Variants in ZFHX4 observed in about 807,000 individuals in gnomAD.
The protein encoded by ZFHX4 is zinc finger homeobox protein 4.
Under a neutral mutation model 267.6 loss-of-function variants are expected in ZFHX4, and 56 were observed. The observed-to-expected ratio is 0.21, with a 90% CI of 0.17 to 0.26. The LOEUF is 0.26. Among genes scored for constraint, ZFHX4 ranks in the 10% least tolerant of loss-of-function variants. ZFHX4 has a pLI of 1.00. For missense variants in ZFHX4, 4,332 were observed against 4,420.0 expected (o/e 0.98, Z 0.56); for synonymous variants, 1,778 against 1,665.6 (o/e 1.07, Z -1.64).
chr8:76,851,220 T>A lies in ZFHX4; in HGVS notation c.4299T>A (p.Ser1433Arg), dbSNP rs754043274. The A allele has an allele frequency of 6.2e-7, 1 of 1,613,848 alleles. No homozygotes were observed. The highest frequency in any genetic ancestry group is 1.7e-5 in the Admixed American group (1 of 60,006). Residue 1433 changes from serine to arginine, a missense_variant, in exon 10 of 11, where the codon AGT becomes AGA. This residue lies in a region of ZFHX4 where 1,371 missense variants were observed against 1,423.1 expected (regional missense o/e 0.96). Coordinates refer to ENST00000651372, the MANE Select transcript of ZFHX4 (RefSeq NM_024721.5). Reference protein sequence around the residue: ...AATMCNLCQRSFRTFQALKKH... With the variant: ...AATMCNLCQRRFRTFQALKKH... Reference sequence around the variant, plus strand: ...CAATGTGTAACCTCTGCCAGCGCAGTTTCCGTACATTCCAGGCTTTAAAAA... The same window carrying A: ...CAATGTGTAACCTCTGCCAGCGCAGATTCCGTACATTCCAGGCTTTAAAAA...
At chr8:76,845,110 T>C (rs1419950237) in intron 6 of ZFHX4, among the ~76,000 whole-genome samples, 1 of 152,132 alleles carries the variant, frequency 6.6e-6, no homozygotes, top group Non-Finnish European at 1.5e-5. Context: ...AATTAACATA[T>C]GTTAGGAAGG....
chr8:76,847,078 C>T (rs1812383216), intron 6 of ZFHX4, among the ~76,000 whole-genome samples: 1 of 152,132 alleles, frequency 6.6e-6, no homozygotes, highest in African/African-American at 2.4e-5. Context: ...AATTGATAGA[C>T]ATTGGTTGAT....
rs374254479 is a variant in ZFHX4, at chr8:76,851,127, T to C, written c.4206T>C (p.Cys1402=). 48 of 1,613,900 alleles carry C rather than the reference T, an allele frequency of 3.0e-5. No individual in the cohort carries two copies. Among genetic ancestry groups the C allele is most frequent in the Non-Finnish European group, 3.7e-5 (44 of 1,179,888 alleles). ...TCTACAAGTATCGCTGTAACCATTGTAGCTTGGCTTTCAAAACTATGCAGA... is the reference window on the plus strand; with the variant it reads ...TCTACAAGTATCGCTGTAACCATTGCAGCTTGGCTTTCAAAACTATGCAGA... The part of the protein sequence containing the change: ...RHVYKYRCNH[C]SLAFKTMQKL... The change falls in exon 10 of 11, where the codon TGT becomes TGC. Residue 1402 remains cysteine, a synonymous_variant. Transcript: ENST00000651372.
intron 3 of ZFHX4, among the ~76,000 whole-genome samples, chr8:76,711,576 T>A (rs962036772): frequency 6.6e-6 from 1 of 152,216 alleles, no homozygotes; most frequent in African/African-American, 2.4e-5. Flanking sequence ...TTTACAAATT[T>A]TAGTCAGTTG....
At chr8:76,819,249 T>A (rs1324178516) in intron 4 of ZFHX4, among the ~76,000 whole-genome samples, 1 of 152,054 alleles carries the variant, frequency 6.6e-6, no homozygotes, top group Non-Finnish European at 1.5e-5. Context: ...TCTGTTTTAT[T>A]TATAACATTT....
In ZFHX4 at chr8:76,842,705, G is replaced by A. The variant is rs144576583; in HGVS notation, c.3445G>A (p.Glu1149Lys). The A allele has an allele frequency of 5.2e-5, 81 of 1,554,644 alleles. No homozygotes were observed. The African/African-American group carries it at 9.2e-4, about 18-fold the overall frequency. Residue 1149 changes from glutamate (E) to lysine (K), a missense_variant, in exon 6 of 11, where the codon GAG (glutamate) becomes AAG (lysine). Transcript: ENST00000651372. Reference sequence around the variant, plus strand: ...AGCTATTAAGCCTACAGCAGTGGCCGAGGACGATGAAAAAGACACAAGTGA... The same window carrying A: ...AGCTATTAAGCCTACAGCAGTGGCCAAGGACGATGAAAAAGACACAAGTGA... ...EGAIKPTAVA[E>K]DDEKDTSERD...
intron 1 of ZFHX4, among the ~76,000 whole-genome samples, chr8:76,694,756 T>G (rs967313876): frequency 7.0e-6 from 1 of 141,884 alleles, no homozygotes; most frequent in African/African-American, 2.6e-5. Context: ...TTTTCTTCTT[T>G]TGATGAAGTT....
intron 1 of ZFHX4, among the ~76,000 whole-genome samples, chr8:76,686,456 C>T (rs1403333339): frequency 6.6e-6 from 1 of 152,120 alleles, no homozygotes; most frequent in African/African-American, 2.4e-5. Flanking sequence ...TTAATCTATC[C>T]TTATTTACAA....
intron 4 of ZFHX4, among the ~76,000 whole-genome samples, chr8:76,794,456 A>G (rs1198246519): frequency 6.6e-6 from 1 of 152,178 alleles, no homozygotes; most frequent in Non-Finnish European, 1.5e-5. Flanking sequence ...GTTCTCTTTC[A>G]TGTTTGACCA....
chr8:76,780,165 T>C (rs994895063), intron 4 of ZFHX4, among the ~76,000 whole-genome samples: 3 of 152,170 alleles, frequency 2.0e-5, no homozygotes, highest in Non-Finnish European at 4.4e-5. Flanking sequence ...CAGCCAACCT[T>C]TACTTATAGC....
intron 4 of ZFHX4, among the ~76,000 whole-genome samples, chr8:76,830,155 TAA>T (rs1054462676): frequency 6.6e-6 from 1 of 152,190 alleles, no homozygotes; most frequent in Non-Finnish European, 1.5e-5. Flanking sequence ...AGATATTCTG[TAA>T]AATGTTGTTG....
chr8:76,800,594 T>C (rs1243990161), intron 4 of ZFHX4, among the ~76,000 whole-genome samples: 3 of 152,166 alleles, frequency 2.0e-5, no homozygotes, highest in Non-Finnish European at 4.4e-5. Context: ...TGATAATAAA[T>C]GTATACATCA....
Position 76,854,313 on chromosome 8 carries a change from G to A in ZFHX4, c.7392G>A (p.Ser2464=), listed in dbSNP as rs761611371. 6.2e-6 allele frequency: 10 copies of A among 1,612,830 alleles called. No homozygotes were observed. In the Middle Eastern group the frequency reaches 6.6e-4, roughly 106 times the overall value. The part of the protein sequence containing the change: ...KQPQLIGRPP[S]ASQTPVPSSP... ...CCCAACTTATCGGAAGACCTCCCTC[G>A]GCCTCTCAAACACCGGTCCCTTCCA... is the stretch of plus-strand genomic sequence containing the variant. Residue 2464 remains serine, a synonymous_variant, in exon 10 of 11, where the codon TCG becomes TCA. Transcript: ENST00000651372.
At chr8:76,847,367 T>C (rs1410438466) in intron 6 of ZFHX4, among the ~76,000 whole-genome samples, 2 of 152,150 alleles carry the variant, frequency 1.3e-5, no homozygotes, top group African/African-American at 4.8e-5. Context: ...TTCCAGTCTT[T>C]CTTGGATTTA....
intron 4 of ZFHX4, among the ~76,000 whole-genome samples, chr8:76,817,069 AG>A (rs754847857): frequency 1.4e-4 from 21 of 152,176 alleles, no homozygotes; most frequent in South Asian, 4.1e-4. Context: ...TTTAAAAAAA[AG>A]GTTCAGCTAA....
intron 3 of ZFHX4, among the ~76,000 whole-genome samples, chr8:76,726,856 A>G (rs1808867094): frequency 1.3e-5 from 2 of 152,222 alleles, no homozygotes; most frequent in African/African-American, 4.8e-5. Context: ...TTGAAAGTGT[A>G]AGGACAGATA....
chr8:76,745,872 AATTAATGCAAT>A (rs1809445316), intron 3 of ZFHX4, among the ~76,000 whole-genome samples: 1 of 152,216 alleles, frequency 6.6e-6, no homozygotes, highest in African/African-American at 2.4e-5. Context: ...TTTATTTTTT[AATTAATGCAAT>A]GTTCTTTTAA....
At chr8:76,768,861 C>A (rs9918876) in intron 3 of ZFHX4, among the ~76,000 whole-genome samples, 29,418 of 151,788 alleles carry the variant, frequency 0.19, 3,917 homozygotes, top group African/African-American at 0.37. Context: ...AAAGATGAGG[C>A]GAGCACAAGT....
At chr8:76,745,655 G>A (rs1809439912) in intron 3 of ZFHX4, among the ~76,000 whole-genome samples, 1 of 151,940 alleles carries the variant, frequency 6.6e-6, no homozygotes, top group Admixed American at 6.6e-5. Flanking sequence ...AGAGTCTGTA[G>A]CAGAGTCAAT....
Sources: allele counts gnomAD v4.1 joint callset (sites outside exome capture counted in the v4.1 genomes callset), GRCh38; gene constraint gnomAD v4.1.1; regional missense constraint gnomAD v4.1.1; transcripts MANE v1.5; gene names NCBI Gene and HGNC (gene_info 2026-07-23, HGNC 2026-07-21).